Variants in PTPRD observed in about 807,000 individuals in gnomAD.
PTPRD encodes receptor-type tyrosine-protein phosphatase delta.
Under a neutral mutation model 214.5 loss-of-function variants are expected in PTPRD, and 34 were observed. That is an observed-to-expected ratio of 0.16 (90% CI 0.12 to 0.21). The LOEUF (loss-of-function observed/expected upper bound fraction) is 0.21, where lower values mean the gene tolerates loss of function less well. PTPRD is among the 10% of genes least tolerant of loss of function. The pLI is 1.00. For synonymous variants in PTPRD, 1,128 were observed against 845.7 expected (o/e 1.33, Z -5.79); for missense variants, 2,545 against 2,398.7 (o/e 1.06, Z -1.27).
At chr9:8,391,921 T>TG (rs1400298472) in intron 36 of PTPRD, among the ~76,000 whole-genome samples, 3 of 145,318 alleles carry the variant, frequency 2.1e-5, no homozygotes, top group Admixed American at 2.0e-4. Flanking sequence ...TGTAATGAAT[T>TG]GGGGTTTTTT....
At chr9:8,796,001 A>C (rs2096408574) in intron 11 of PTPRD, among the ~76,000 whole-genome samples, 1 of 152,218 alleles carries the variant, frequency 6.6e-6, no homozygotes, top group Non-Finnish European at 1.5e-5. Context: ...CTTCTGAAGA[A>C]ATTAAGTGCC....
At chr9:10,124,157 A>T (rs952159005) in intron 3 of PTPRD, among the ~76,000 whole-genome samples, 1 of 152,206 alleles carries the variant, frequency 6.6e-6, no homozygotes, top group African/African-American at 2.4e-5. Context: ...AGAGCACAGG[A>T]TGCAGCTATG....
At chr9:9,237,279 C>T (rs1022350771) in intron 9 of PTPRD, among the ~76,000 whole-genome samples, 1 of 152,068 alleles carries the variant, frequency 6.6e-6, no homozygotes, top group African/African-American at 2.4e-5. Context: ...AAACAACTAA[C>T]CTTACCTGGG....
chr9:9,875,778 T>C (rs2066678317), intron 5 of PTPRD, among the ~76,000 whole-genome samples: 1 of 152,090 alleles, frequency 6.6e-6, no homozygotes, highest in Admixed American at 6.6e-5. Context: ...TAAGACAAAA[T>C]AACAATCCAC....
intron 10 of PTPRD, among the ~76,000 whole-genome samples, chr9:9,128,060 A>T (rs192539041): frequency 5.5e-4 from 83 of 152,256 alleles, no homozygotes; most frequent in African/African-American, 1.9e-3. Context: ...GTACTTTTTT[A>T]AAAAAGATGT....
chr9:9,053,336 T>G (rs2099690009), intron 10 of PTPRD, among the ~76,000 whole-genome samples: 1 of 152,238 alleles, frequency 6.6e-6, no homozygotes, highest in South Asian at 2.1e-4. Context: ...TTTTGAATCC[T>G]TTTGTTAGTC....
intron 3 of PTPRD, among the ~76,000 whole-genome samples, chr9:10,289,919 G>T (rs1023574477): frequency 6.6e-6 from 1 of 152,122 alleles, no homozygotes; most frequent in Admixed American, 6.6e-5. Context: ...AGCTGCTGAG[G>T]AGCGGTAGGG....
chr9:8,426,458 T>C (rs1484485808), intron 35 of PTPRD, among the ~76,000 whole-genome samples: 1 of 152,188 alleles, frequency 6.6e-6, no homozygotes, highest in Non-Finnish European at 1.5e-5. Context: ...AAGAGTGTCT[T>C]TTTTCAGTCC....
At chr9:8,707,596 G>C (rs943807559) in intron 12 of PTPRD, among the ~76,000 whole-genome samples, 3 of 152,218 alleles carry the variant, frequency 2.0e-5, no homozygotes, top group African/African-American at 7.2e-5. Flanking sequence ...AGTTAGGGAG[G>C]TGAGTAGTCT....
intron 3 of PTPRD, among the ~76,000 whole-genome samples, chr9:10,269,856 A>G (rs1476211485): frequency 1.3e-5 from 2 of 152,186 alleles, no homozygotes; most frequent in Non-Finnish European, 2.9e-5. Flanking sequence ...AAAAAAATTA[A>G]AAACTGCTTT....
chr9:9,092,262 C>T (rs1591479132), intron 10 of PTPRD, among the ~76,000 whole-genome samples: 2 of 152,194 alleles, frequency 1.3e-5, no homozygotes, highest in Middle Eastern at 6.8e-3. Context: ...CTAAAGTAGA[C>T]ACAGATATTG....
chr9:10,189,579 C>G (rs913756821), intron 3 of PTPRD, among the ~76,000 whole-genome samples: 1 of 151,988 alleles, frequency 6.6e-6, no homozygotes. Context: ...AGTGTGCATG[C>G]GAGGAATTTG....
chr9:8,907,562 A>C (rs1301807958), intron 11 of PTPRD, among the ~76,000 whole-genome samples: 1 of 148,488 alleles, frequency 6.7e-6, no homozygotes, highest in African/African-American at 2.4e-5. Flanking sequence ...ATAAAGAAGA[A>C]AAATACACAG....
At chr9:10,265,820 A>G (rs1451360468) in intron 3 of PTPRD, among the ~76,000 whole-genome samples, 1 of 152,216 alleles carries the variant, frequency 6.6e-6, no homozygotes, top group African/African-American at 2.4e-5. Context: ...CCTAACTGAT[A>G]CTTTGATCAA....
chr9:9,302,879 C>G (rs1955928492), intron 9 of PTPRD, among the ~76,000 whole-genome samples: 1 of 151,776 alleles, frequency 6.6e-6, no homozygotes, highest in African/African-American at 2.4e-5. Flanking sequence ...TGATGTAACT[C>G]TTCTGCAAAT....
chr9:10,193,634 C>A (rs1289050701), intron 3 of PTPRD, among the ~76,000 whole-genome samples: 1 of 152,082 alleles, frequency 6.6e-6, no homozygotes, highest in Non-Finnish European at 1.5e-5. Flanking sequence ...CAAAAAGATT[C>A]TTTTCAGGAT....
chr9:9,405,502 T>C (rs535780014), intron 8 of PTPRD, among the ~76,000 whole-genome samples: 1 of 151,970 alleles, frequency 6.6e-6, no homozygotes, highest in Non-Finnish European at 1.5e-5. Flanking sequence ...AGAAACACAC[T>C]TCATGGGAAA....
At chr9:8,412,849 C>CA (rs1191205349) in intron 35 of PTPRD, among the ~76,000 whole-genome samples, 2 of 152,028 alleles carry the variant, frequency 1.3e-5, no homozygotes, top group East Asian at 3.9e-4. Context: ...GCAGAGACAA[C>CA]AAAAAAGAGC....
intron 2 of PTPRD, among the ~76,000 whole-genome samples, chr9:10,498,401 T>C (rs1041065296): frequency 6.6e-6 from 1 of 151,978 alleles, no homozygotes; most frequent in Non-Finnish European, 1.5e-5. Context: ...AAATTAACTG[T>C]TAGCTTTATT....
Sources: allele counts gnomAD v4.1 joint callset (sites outside exome capture counted in the v4.1 genomes callset), GRCh38; gene constraint gnomAD v4.1.1; transcripts MANE v1.5; gene names NCBI Gene and HGNC (gene_info 2026-07-23, HGNC 2026-07-21).